The following RBFOX1 variants were observed in gnomAD, a reference collection of about 807,000 sequenced individuals.
RBFOX1 encodes the protein RNA binding fox-1 homolog 1.
RBFOX1 carries 8 observed loss-of-function variants against 57.7 expected under a neutral mutation model. That is an observed-to-expected ratio of 0.14 (90% CI 0.08 to 0.25). RBFOX1 has a LOEUF of 0.25. Among genes scored for constraint, RBFOX1 ranks in the 10% least tolerant of loss-of-function variants. The pLI is 1.00. For synonymous variants in RBFOX1, 326 were observed against 222.4 expected (o/e 1.47, Z -4.15); for missense variants, 611 against 548.5 (o/e 1.11, Z -1.14).
chr16:6,753,538 T>A (rs904452694), intron 3 of RBFOX1, among the ~76,000 whole-genome samples: 7 of 152,180 alleles, frequency 4.6e-5, no homozygotes, highest in Admixed American at 4.6e-4. Flanking sequence ...TTTCTTCTTC[T>A]CTTTGAATAT....
intron 1 of RBFOX1, among the ~76,000 whole-genome samples, chr16:6,087,828 C>T (rs1597179965): frequency 1.3e-5 from 2 of 151,838 alleles, no homozygotes; most frequent in Admixed American, 1.3e-4. Context: ...AATTTTTGTA[C>T]TTTTAGTAGA....
intron 4 of RBFOX1, among the ~76,000 whole-genome samples, chr16:5,983,875 C>G (rs1323801811): frequency 6.8e-6 from 1 of 146,652 alleles, no homozygotes; most frequent in African/African-American, 2.5e-5. Context: ...TCCTCCTCCT[C>G]CTCCTTCCCT....
At chr16:5,381,821 G>T (rs1338488164) in intron 1 of RBFOX1, among the ~76,000 whole-genome samples, 1 of 152,196 alleles carries the variant, frequency 6.6e-6, no homozygotes, top group Non-Finnish European at 1.5e-5. Flanking sequence ...GCTCAGAGAG[G>T]CTAAAAGCTC....
chr16:7,443,404 A>G (rs1297399690), intron 4 of RBFOX1, among the ~76,000 whole-genome samples: 1 of 151,850 alleles, frequency 6.6e-6, no homozygotes, highest in Non-Finnish European at 1.5e-5. Flanking sequence ...TTGATTTAAT[A>G]AGCTCTGGCT....
intron 1 of RBFOX1, among the ~76,000 whole-genome samples, chr16:5,397,150 G>A (rs2066582237): frequency 6.6e-6 from 1 of 152,218 alleles, no homozygotes; most frequent in Admixed American, 6.5e-5. Context: ...TGAAACCACA[G>A]GTGTCTGGTC....
chr16:6,057,648 T>C (rs1474525327), intron 1 of RBFOX1, among the ~76,000 whole-genome samples: 1 of 152,112 alleles, frequency 6.6e-6, no homozygotes, highest in Non-Finnish European at 1.5e-5. Flanking sequence ...GTTTCTCTAA[T>C]GTAATGACTT....
At chr16:6,775,384 A>C (rs1434644830) in intron 3 of RBFOX1, among the ~76,000 whole-genome samples, 1 of 151,176 alleles carries the variant, frequency 6.6e-6, no homozygotes, top group East Asian at 1.9e-4. Context: ...AGACACACCC[A>C]ACTGTTAAGA....
At chr16:6,211,820 TTTTA>T (rs200566514) in intron 1 of RBFOX1, among the ~76,000 whole-genome samples, 26,385 of 140,696 alleles carry the variant, frequency 0.19, 2,700 homozygotes, top group Middle Eastern at 0.24. Context: ...GGAATACATC[TTTTA>T]TTTATTTATT....
chr16:7,367,856 G>T (rs2097486022), intron 4 of RBFOX1, among the ~76,000 whole-genome samples: 1 of 150,620 alleles, frequency 6.6e-6, no homozygotes. Context: ...GCATATATAT[G>T]TGCATGAGCA....
At chr16:7,660,352 T>C (rs371240222) in intron 12 of RBFOX1, among the ~76,000 whole-genome samples, 12 of 152,204 alleles carry the variant, frequency 7.9e-5, no homozygotes, top group African/African-American at 2.9e-4. Flanking sequence ...CATTGAAATA[T>C]GACTGCGCCT....
chr16:5,827,890 C>A (rs1328817779), intron 3 of RBFOX1, among the ~76,000 whole-genome samples: 3 of 149,564 alleles, frequency 2.0e-5, no homozygotes, highest in East Asian at 3.9e-4. Context: ...TCCATCCATC[C>A]ATCCATCCAT....
At chr16:6,558,245 A>T (rs980125536) in intron 2 of RBFOX1, among the ~76,000 whole-genome samples, 3 of 152,038 alleles carry the variant, frequency 2.0e-5, no homozygotes, top group Admixed American at 6.6e-5. Context: ...GCTCGTCCCC[A>T]CCTCCCATTG....
At chr16:5,968,426 C>G (rs2152296026) in intron 4 of RBFOX1, among the ~76,000 whole-genome samples, 1 of 152,262 alleles carries the variant, frequency 6.6e-6, no homozygotes, top group Non-Finnish European at 1.5e-5. Flanking sequence ...CTCTGAGTTA[C>G]TGCATGTTGT....
At chr16:7,524,473 A>T (rs370500892) in intron 5 of RBFOX1, among the ~76,000 whole-genome samples, 3 of 152,230 alleles carry the variant, frequency 2.0e-5, no homozygotes, top group African/African-American at 7.2e-5. Context: ...ACTGTTCCTG[A>T]CAAGGTATTT....
Position 7,669,914 on chromosome 16 carries a change from G to A in RBFOX1, c.930+4946G>A, listed in dbSNP as rs150696863. On this transcript the variant is annotated intron_variant, in intron 13 of 15. Transcript: ENST00000550418. ...ACCTCAGTCCACCAAGAAATCAGGC[G>A]AATGCTGTGTTTGCAATGGGAGAGA... is the stretch of plus-strand genomic sequence containing the variant. Among the ~76,000 whole-genome samples, 23 of 152,216 alleles carry A rather than the reference G, an allele frequency of 1.5e-4. No individual in the cohort carries two copies. The East Asian group carries it at 3.9e-3, about 26-fold the overall frequency.
At position 7,542,760 on chromosome 16, in the gene RBFOX1, G is replaced by A. The variant is rs545763741; in HGVS notation, c.270+24371G>A. ...CACGCACCTGTAATCCCAGCTACTC[G>A]GGTGGCTGAGGCATGAGAATCAATT... is the stretch of plus-strand genomic sequence containing the variant. On this transcript the variant is annotated intron_variant, in intron 5 of 15. Coordinates refer to ENST00000550418, the MANE Select transcript of RBFOX1 (RefSeq NM_018723.4). Among the ~76,000 whole-genome samples, 402 of 150,450 alleles carry A rather than the reference G, an allele frequency of 2.7e-3. 1 individual carries two copies. Among genetic ancestry groups the A allele is most frequent in the African/African-American group, 9.2e-3 (373 of 40,742 alleles).
intron 4 of RBFOX1, among the ~76,000 whole-genome samples, chr16:7,198,545 A>G (rs1057187941): frequency 6.6e-6 from 1 of 152,228 alleles, no homozygotes; most frequent in Non-Finnish European, 1.5e-5. Context: ...GGGTAACTTA[A>G]AAGCAATCAA....
intron 4 of RBFOX1, among the ~76,000 whole-genome samples, chr16:7,421,242 A>AG (rs1555886537): frequency 6.6e-6 from 1 of 151,482 alleles, no homozygotes; most frequent in Admixed American, 6.6e-5. Flanking sequence ...ACAAAGAGAG[A>AG]GAGAACAACC....
At chr16:7,108,232 A>G (rs1169974283) in intron 4 of RBFOX1, among the ~76,000 whole-genome samples, 1 of 152,182 alleles carries the variant, frequency 6.6e-6, no homozygotes, top group Non-Finnish European at 1.5e-5. Flanking sequence ...TGGAATCAGA[A>G]GCACTGGGGA....
Sources: gnomAD v4.1 joint callset for allele counts (sites outside exome capture counted in the v4.1 genomes callset) on GRCh38, gnomAD v4.1.1 for gene constraint, MANE v1.5 for transcripts, NCBI Gene and HGNC (gene_info 2026-07-23, HGNC 2026-07-21) for gene names.